Variants in DRC7 observed in about 807,000 individuals in gnomAD.
DRC7 encodes the protein dynein regulatory complex subunit 7.
A neutral mutation model predicts 104.4 loss-of-function variants in DRC7; 80 were observed. That is an observed-to-expected ratio of 0.77 (90% confidence interval 0.64 to 0.92). The LOEUF is 0.92. DRC7 is among the 40% of genes least tolerant of loss of function. The probability of loss-of-function intolerance (pLI) is 0.00; values close to 1 mark genes in which losing one functional copy is unlikely to be tolerated. For synonymous variants in DRC7, 405 were observed against 447.3 expected (o/e 0.91, Z 1.19); for missense variants, 1,034 against 1,141.1 (o/e 0.91, Z 1.35).
intron 17 of DRC7, among the ~76,000 whole-genome samples, 191 bp from the exon 18 acceptor site, chr16:57,730,740 C>T (rs1160208778): frequency 2.0e-5 from 3 of 152,066 alleles, no homozygotes; most frequent in Non-Finnish European, 2.9e-5. Context: ...TAAACATGAC[C>T]CCACTGGCTC....
chr16:57,703,389 A>G (rs1251701682), intron 6 of DRC7, among the ~76,000 whole-genome samples: 3 of 152,148 alleles, frequency 2.0e-5, no homozygotes, highest in African/African-American at 7.2e-5. Flanking sequence ...ACAGACAGAA[A>G]ATGCTCTTCA....
At chr16:57,722,977 C>T (rs563394427) in intron 11 of DRC7, 25 bp from the exon 12 acceptor site, 84 of 1,613,472 alleles carry the variant, frequency 5.2e-5, no homozygotes, top group East Asian at 1.1e-4. Flanking sequence ...GGCCTGGCTG[C>T]GGCAAGTGTC....
At chr16:57,726,443 A>AC in intron 14 of DRC7, 160 bp downstream of exon 14, 1 of 655,252 alleles carries the variant, frequency 1.5e-6, no homozygotes, top group South Asian at 1.9e-5. Context: ...CCATCTGGGG[A>AC]CCCTTCTCTT....
chr16:57,708,031 C>G (rs1189766655), intron 8 of DRC7, among the ~76,000 whole-genome samples: 2 of 152,132 alleles, frequency 1.3e-5, no homozygotes. Context: ...TTTCCTACAC[C>G]CAGACCAAGA....
At chr16:57,721,639 C>T (rs764763916) in intron 9 of DRC7, 28 bp from the exon 10 acceptor site, 1 of 1,582,702 alleles carries the variant, frequency 6.3e-7, no homozygotes, top group Non-Finnish European at 8.7e-7. Flanking sequence ...ACCAGCACCA[C>T]CTCCCCCACC....
rs761692897 is a variant in DRC7, at chr16:57,726,145, G to A, written c.1836G>A (p.Ala612=). The change falls in exon 14 of 19, where the codon GCG becomes GCA. Residue 612 remains alanine (A), a synonymous_variant. Coordinates refer to ENST00000360716, the MANE Select transcript of DRC7 (RefSeq NM_001289162.2). ...TGGCAGAGCGCGTGTTTCTGGTCGC[G>A]GAGGAGCGCATCCAGCTGCGCTACC... ...EDVAERVFLV[A]EERIQLRYHC... 12 of 1,613,044 alleles carry A rather than the reference G, an allele frequency of 7.4e-6. No individual in the cohort carries two copies. The highest frequency in any genetic ancestry group is 4.0e-5 in the African/African-American group (3 of 74,952).
chr16:57,703,967 C>CAAA (rs35232247), intron 6 of DRC7, among the ~76,000 whole-genome samples: 14 of 64,354 alleles, frequency 2.2e-4, no homozygotes, highest in Non-Finnish European at 2.8e-4. Context: ...ACTCTGGCTC[C>CAAA]AAAAAAAAAA....
At chr16:57,716,236 C>G (rs2048841878) in intron 8 of DRC7, among the ~76,000 whole-genome samples, 1 of 152,348 alleles carries the variant, frequency 6.6e-6, no homozygotes, top group East Asian at 1.9e-4. Flanking sequence ...GGCACAGTGG[C>G]TCACGCCTTT....
chr16:57,722,268 C>T (rs2048911880), intron 10 of DRC7, among the ~76,000 whole-genome samples: 1 of 152,168 alleles, frequency 6.6e-6, no homozygotes, highest in Non-Finnish European at 1.5e-5. Flanking sequence ...GAGGGGGGCG[C>T]ACCCAGCCCA....
intron 12 of DRC7, among the ~76,000 whole-genome samples, chr16:57,723,761 A>G (rs2048932917): frequency 6.6e-6 from 1 of 151,716 alleles, no homozygotes; most frequent in Admixed American, 6.6e-5. Flanking sequence ...CAAGAAATTT[A>G]CAAAAGAAAA....
rs151161042 is a variant in DRC7 at position 57,728,540 on chromosome 16, C to T, written c.2347C>T (p.Arg783Trp). The change falls in exon 17 of 19, where the codon CGG (arginine) becomes TGG (tryptophan). Residue 783 changes from arginine to tryptophan, a missense_variant. Arg to Trp is a moderately radical substitution (Grantham distance 101, BLOSUM62 -3). Transcript: ENST00000360716. ...KDECLSDFKQ[R>W]LINKANLIQA... ...TGAGTGCCTCAGCGACTTCAAGCAG[C>T]GGCTCATCAACAAGGCCAACCTCAT... 1.8e-5 allele frequency: 29 copies of T among 1,610,136 alleles called. No individual in the cohort carries two copies. The highest frequency in any genetic ancestry group is 1.2e-4 in the African/African-American group (9 of 74,766).
intron 8 of DRC7, 50 bp from the exon 9 acceptor site, chr16:57,718,297 G>A (rs369324025): frequency 1.9e-6 from 3 of 1,599,260 alleles, no homozygotes; most frequent in African/African-American, 2.7e-5. Flanking sequence ...ATCAGGTGGG[G>A]ACGTGGTGGC....
At chr16:57,721,872 G>C (rs773696655) in intron 10 of DRC7, 133 bp downstream of exon 10, 53 of 645,984 alleles carry the variant, frequency 8.2e-5, no homozygotes, top group Admixed American at 7.9e-4. Flanking sequence ...CTCACCTTCA[G>C]CTGCACCCTC....
chr16:57,710,165 C>G (rs1328285348), intron 8 of DRC7, among the ~76,000 whole-genome samples: 1 of 152,162 alleles, frequency 6.6e-6, no homozygotes, highest in African/African-American at 2.4e-5. Context: ...ACCATGGTAT[C>G]TCTCTTCAGT....
At position 57,730,918 on chromosome 16, in the gene DRC7, C is replaced by T. The variant is rs2049054860; in HGVS notation, c.2392-13C>T. The T allele has an allele frequency of 1.9e-6, 3 of 1,612,464 alleles. No individual in the cohort carries two copies. The African/African-American group carries it at 4.0e-5, about 22-fold the overall frequency. On this transcript the variant is annotated splice_polypyrimidine_tract_variant and intron_variant, in intron 17 of 18. Transcript: ENST00000360716. ...TTGTCAGTCCTCCTTCTCTGTCTGC[C>T]CTATGACCACAGGAGACCCAGGAGC...
intron 8 of DRC7, among the ~76,000 whole-genome samples, chr16:57,717,040 C>T (rs2048850403): frequency 6.6e-6 from 1 of 151,254 alleles, no homozygotes; most frequent in Non-Finnish European, 1.5e-5. Context: ...CACTTGTAGT[C>T]CCAGCTACTC....
At position 57,700,252 on chromosome 16, in the gene DRC7, G is replaced by T; in HGVS notation, c.486G>T (p.Leu162=). The part of the protein sequence containing the change: ...FVSDFLTMVP[L]PDPLKPPSHL... Reference sequence around the variant, plus strand: ...CCGACTTCCTCACCATGGTGCCCCTGCCTGACCCTCTCAAGCCGGTAAGCA... The same window carrying T: ...CCGACTTCCTCACCATGGTGCCCCTTCCTGACCCTCTCAAGCCGGTAAGCA... The change falls in exon 5 of 19, where the codon CTG becomes CTT. Residue 162 remains leucine (L), a synonymous_variant. Transcript: ENST00000360716. 6.2e-7 allele frequency: 1 copy of T among 1,613,694 alleles called. No homozygotes were observed. The highest frequency in any genetic ancestry group is 8.5e-7 in the Non-Finnish European group (1 of 1,179,828).
rs775861445 is a variant in DRC7, at chr16:57,698,047, G to T, written c.98G>T (p.Arg33Met). 4 of 1,614,004 alleles carry T rather than the reference G, an allele frequency of 2.5e-6. No homozygotes were observed. The highest frequency in any genetic ancestry group is 3.4e-6 in the Non-Finnish European group (4 of 1,180,038). ...TGGGCGAGGATGGAGAAAATGATGAGGCCAGTTGAGGTGCGGAAGGAGGAA... is the reference window on the plus strand; with the variant it reads ...TGGGCGAGGATGGAGAAAATGATGATGCCAGTTGAGGTGCGGAAGGAGGAA... ...AEWARMEKMM[R>M]PVEVRKEEIT... The change falls in exon 3 of 19, where the codon AGG becomes ATG. Residue 33 changes from arginine to methionine, a missense_variant. By Grantham distance (91) the Arg-to-Met change is moderately conservative (BLOSUM62 -1). Transcript: ENST00000360716.
chr16:57,713,396 A>G (rs1028356511), intron 8 of DRC7, among the ~76,000 whole-genome samples: 2 of 152,100 alleles, frequency 1.3e-5, no homozygotes, highest in Non-Finnish European at 2.9e-5. Flanking sequence ...TATTTGCTTC[A>G]TGTATTTTGA....
Sources: gnomAD v4.1 joint callset for allele counts (sites outside exome capture counted in the v4.1 genomes callset) on GRCh38, gnomAD v4.1.1 for gene constraint, MANE v1.5 for transcripts, NCBI Gene and HGNC (gene_info 2026-07-23, HGNC 2026-07-21) for gene names.